Variants in DSCAM observed in about 807,000 individuals in gnomAD.
DSCAM encodes DS cell adhesion molecule.
Under a neutral mutation model 217.7 loss-of-function variants are expected in DSCAM, and 47 were observed. That is an observed-to-expected ratio of 0.22 (90% CI 0.17 to 0.28). The LOEUF is 0.28. DSCAM is among the 10% of genes least tolerant of loss of function. The probability of loss-of-function intolerance (pLI) is 1.00; values close to 1 mark genes in which losing one functional copy is unlikely to be tolerated. For missense variants in DSCAM, 2,080 were observed against 2,618.3 expected (o/e 0.79, Z 4.49); for synonymous variants, 1,056 against 1,015.3 (o/e 1.04, Z -0.76).
intron 30 of DSCAM, among the ~76,000 whole-genome samples, chr21:40,046,406 C>T (rs2142122): frequency 0.13 from 19,007 of 144,590 alleles, 2,091 homozygotes; most frequent in African/African-American, 0.3. Context: ...CACAATTCCA[C>T]GGAAGACTTC....
intron 15 of DSCAM, among the ~76,000 whole-genome samples, chr21:40,172,829 G>A (rs1170711064): frequency 6.6e-6 from 1 of 152,180 alleles, no homozygotes; most frequent in African/African-American, 2.4e-5. Flanking sequence ...AAAAAGTAGT[G>A]AGGAGCAGCT....
intron 3 of DSCAM, among the ~76,000 whole-genome samples, chr21:40,635,559 G>A (rs374495803): frequency 6.6e-5 from 10 of 152,182 alleles, no homozygotes; most frequent in African/African-American, 2.4e-4. Flanking sequence ...ATGCCGGTGT[G>A]TGCGTGGGCA....
At chr21:40,279,930 G>C (rs1227156263) in intron 10 of DSCAM, among the ~76,000 whole-genome samples, 1 of 152,022 alleles carries the variant, frequency 6.6e-6, no homozygotes, top group Non-Finnish European at 1.5e-5. Context: ...CATGGACACA[G>C]GGAAGGGAAC....
At chr21:40,274,939 C>T (rs2073666911) in intron 11 of DSCAM, among the ~76,000 whole-genome samples, 1 of 152,094 alleles carries the variant, frequency 6.6e-6, no homozygotes, top group Admixed American at 6.6e-5. Flanking sequence ...ACACACACCC[C>T]TGAATGCCAC....
At chr21:40,201,722 T>C (rs2091071517) in intron 11 of DSCAM, among the ~76,000 whole-genome samples, 1 of 152,184 alleles carries the variant, frequency 6.6e-6, no homozygotes, top group Non-Finnish European at 1.5e-5. Flanking sequence ...ATTATAAGCA[T>C]GAGCCATTGT....
At chr21:40,637,406 AATATAAAT>A (rs1377853241) in intron 3 of DSCAM, among the ~76,000 whole-genome samples, 2 of 10,464 alleles carry the variant, frequency 1.9e-4, no homozygotes, top group Non-Finnish European at 3.2e-4. Context: ...AATATATATA[AATATAAAT>A]ATATATATAA....
chr21:40,620,477 G>C (rs992344216), intron 3 of DSCAM, among the ~76,000 whole-genome samples: 1 of 148,912 alleles, frequency 6.7e-6, no homozygotes, highest in African/African-American at 2.5e-5. Context: ...GAAGGAAAAA[G>C]GGAAGGGAAG....
intron 2 of DSCAM, among the ~76,000 whole-genome samples, chr21:40,701,967 C>A (rs927248600): frequency 6.6e-6 from 1 of 152,058 alleles, no homozygotes; most frequent in Admixed American, 6.6e-5. Flanking sequence ...GTGTCATTCA[C>A]GTGTTTTTTT....
intron 27 of DSCAM, among the ~76,000 whole-genome samples, chr21:40,064,737 A>G (rs2089181081): frequency 6.6e-6 from 1 of 152,188 alleles, no homozygotes; most frequent in South Asian, 2.1e-4. Flanking sequence ...TTGAGAAGTA[A>G]AGTCTAGGTC....
chr21:40,254,831 C>T (rs2073350053), intron 11 of DSCAM, among the ~76,000 whole-genome samples: 1 of 152,118 alleles, frequency 6.6e-6, no homozygotes, highest in South Asian at 2.1e-4. Context: ...CCTCCTTTAT[C>T]CAGCTTTCCA....
At chr21:40,416,405 T>C (rs2075372393) in intron 3 of DSCAM, among the ~76,000 whole-genome samples, 1 of 152,244 alleles carries the variant, frequency 6.6e-6, no homozygotes, top group African/African-American at 2.4e-5. Context: ...TTGGTTGCAC[T>C]CTGTGCCTGG....
At chr21:40,281,621 A>G (rs8130837) in intron 10 of DSCAM, among the ~76,000 whole-genome samples, 51,916 of 152,076 alleles carry the variant, frequency 0.34, 9,128 homozygotes, top group South Asian at 0.37. Context: ...GTGCTAGCTG[A>G]GGGTTAATTT....
At chr21:40,646,938 G>A (rs760562215) in intron 3 of DSCAM, among the ~76,000 whole-genome samples, 11 of 152,280 alleles carry the variant, frequency 7.2e-5, no homozygotes, top group Admixed American at 2.0e-4. Context: ...CTAAAGTTTC[G>A]CTTTGCTCTC....
At position 40,266,142 on chromosome 21, in the gene DSCAM, A is replaced by C. The variant is rs955876183; in HGVS notation, c.2356+9955T>G. 4.1e-4 allele frequency among the ~76,000 whole-genome samples: 62 copies of C among 152,192 alleles called. 3 individuals carry two copies. The highest frequency in any genetic ancestry group is 4.4e-5 in the Non-Finnish European group (3 of 68,014). On this transcript the variant is annotated intron_variant, in intron 11 of 32. Transcript: ENST00000400454. ...TAATATCCGCAATCTACAAACTCAA[A>C]GAAATCAGCAAGAAAAAACAGATAA... is the stretch of plus-strand genomic sequence containing the variant.
At chr21:40,065,087 G>A (rs771104538) in intron 27 of DSCAM, among the ~76,000 whole-genome samples, 3 of 152,094 alleles carry the variant, frequency 2.0e-5, no homozygotes, top group African/African-American at 7.2e-5. Context: ...AAATCTGTAC[G>A]AATCAGAGTC....
At chr21:40,778,162 A>G (rs1032642956) in intron 1 of DSCAM, among the ~76,000 whole-genome samples, 3 of 152,204 alleles carry the variant, frequency 2.0e-5, no homozygotes, top group Non-Finnish European at 4.4e-5. Context: ...TTCAAGAAAA[A>G]GGAACACGAC....
At chr21:40,511,217 A>C (rs2076254766) in intron 3 of DSCAM, among the ~76,000 whole-genome samples, 1 of 152,212 alleles carries the variant, frequency 6.6e-6, no homozygotes. Flanking sequence ...AGAGGAAAGC[A>C]GAACAGATAT....
Position 40,312,131 on chromosome 21 carries a change from G to A in DSCAM, c.2012C>T (p.Ala671Val). The A allele has an allele frequency of 6.2e-7, 1 of 1,613,948 alleles. No homozygotes were observed. The highest frequency in any genetic ancestry group is 8.5e-7 in the Non-Finnish European group (1 of 1,179,960). Reference protein sequence around the residue: ...LMHNGNYTCIARNEAAAVEHQ... With the variant: ...LMHNGNYTCIVRNEAAAVEHQ... ...CTCCACAGCGGCGGCCTCATTCCGG[G>A]CTATGCAGGTGTAATTCCCATTGTG... is the stretch of plus-strand genomic sequence containing the variant. Residue 671 changes from alanine to valine, a missense_variant, in exon 9 of 33, where the codon GCC becomes GTC. Physicochemically the swap from Ala to Val is moderately conservative, Grantham distance 64. This residue lies in a region of DSCAM where 218 missense variants were observed against 364.1 expected (regional missense o/e 0.60). Coordinates refer to ENST00000400454, the MANE Select transcript of DSCAM (RefSeq NM_001389.5).
chr21:40,319,204 T>C (rs2074233249), intron 8 of DSCAM, among the ~76,000 whole-genome samples: 1 of 152,194 alleles, frequency 6.6e-6, no homozygotes, highest in South Asian at 2.1e-4. Flanking sequence ...ATTTAAGGTG[T>C]ACTCAAATGA....
Sources: allele counts gnomAD v4.1 joint callset (sites outside exome capture counted in the v4.1 genomes callset), GRCh38; gene constraint gnomAD v4.1.1; regional missense constraint gnomAD v4.1.1; transcripts MANE v1.5; gene names NCBI Gene and HGNC (gene_info 2026-07-23, HGNC 2026-07-21).